Variants in SYNPO observed in about 807,000 individuals in gnomAD.
The protein encoded by SYNPO is synaptopodin.
Under a neutral mutation model 49.5 loss-of-function variants are expected in SYNPO, and 19 were observed. The observed-to-expected ratio is 0.38, with a 90% CI of 0.27 to 0.56. The LOEUF (loss-of-function observed/expected upper bound fraction) is 0.56, where lower values mean the gene tolerates loss of function less well. Among genes scored for constraint, SYNPO ranks in the 20% least tolerant of loss-of-function variants. The pLI, the probability that SYNPO is intolerant of heterozygous loss-of-function variation, is 0.68. For synonymous variants in SYNPO, 536 were observed against 548.0 expected, an observed-to-expected ratio of 0.98 and a Z score of 0.31; for missense variants, 1,131 against 1,248.3, an observed-to-expected ratio of 0.91 and a Z score of 1.42.
rs1561657440 is a variant in SYNPO, at chr5:150,649,764, G to A, written c.1489G>A (p.Glu497Lys). The change falls in exon 2 of 3, where the codon GAG (glutamate) becomes AAG (lysine). Residue 497 changes from glutamate (E) to lysine (K), a missense_variant. By Grantham distance (56) the Glu-to-Lys change is moderately conservative. This residue lies in a region of SYNPO where 602 missense variants were observed against 720.7 expected (regional missense o/e 0.84). Transcript: ENST00000307662. Reference protein sequence around the residue: ...RQSRMEKYVIESSSHTPELAR... With the variant: ...RQSRMEKYVIKSSSHTPELAR... ...GTCACGGATGGAGAAATATGTCATC[G>A]AGTCTTCAAGCCACACGCCAGAGCT... 6.2e-7 allele frequency: 1 copy of A among 1,612,826 alleles called. No individual in the cohort carries two copies. Among genetic ancestry groups the A allele is most frequent in the Non-Finnish European group, 8.5e-7 (1 of 1,180,012 alleles).
chr5:150,597,927 C>T (rs1561627071), upstream of SYNPO, among the ~76,000 whole-genome samples: 2 of 152,110 alleles, frequency 1.3e-5, no homozygotes, highest in Admixed American at 6.5e-5. Flanking sequence ...CATGAGCCAC[C>T]GCACCCAGAC....
intron 1 of SYNPO, among the ~76,000 whole-genome samples, chr5:150,644,388 T>A (rs937842488): frequency 2.0e-5 from 3 of 152,208 alleles, no homozygotes; most frequent in African/African-American, 7.2e-5. Context: ...GTTCTGTGTT[T>A]TGGGGCAGTA....
At chr5:150,606,068 T>G (rs1036591658) in intron 1 of SYNPO, among the ~76,000 whole-genome samples, 1 of 152,158 alleles carries the variant, frequency 6.6e-6, no homozygotes, top group Non-Finnish European at 1.5e-5. Context: ...GACACGTACA[T>G]GTGCACACAT....
At chr5:150,605,101 C>A (rs1474136196) in intron 1 of SYNPO, among the ~76,000 whole-genome samples, 1 of 152,206 alleles carries the variant, frequency 6.6e-6, no homozygotes, top group Non-Finnish European at 1.5e-5. Flanking sequence ...GCTCAATGAA[C>A]ACTCCTCTAG....
intron 2 of SYNPO, among the ~76,000 whole-genome samples, chr5:150,633,274 G>T (rs1757600920): frequency 6.6e-6 from 1 of 152,204 alleles, no homozygotes; most frequent in African/African-American, 2.4e-5. Flanking sequence ...TGGGAATTAA[G>T]AATCTTTTAG....
At chr5:150,651,870 G>T (rs1385529473) in intron 2 of SYNPO, 1 of 1,000,450 alleles carries the variant, frequency 1.0e-6, no homozygotes, top group Non-Finnish European at 1.2e-6. Flanking sequence ...TACAGCCCCC[G>T]ACCAAACCAG....
chr5:150,621,877 A>G (rs913659983), intron 2 of SYNPO, among the ~76,000 whole-genome samples: 3 of 152,194 alleles, frequency 2.0e-5, no homozygotes, highest in African/African-American at 7.2e-5. Context: ...AGGGTAGTGT[A>G]GAGCTCATGA....
At chr5:150,652,755 A>C (rs1758435484) in intron 2 of SYNPO, 1 of 152,102 alleles carries the variant, frequency 6.6e-6, no homozygotes, top group African/African-American at 2.4e-5. Context: ...CCTGCTCCCC[A>C]TTATCTAAAT....
intron 1 of SYNPO, among the ~76,000 whole-genome samples, chr5:150,642,574 G>A (rs938471990): frequency 1.3e-5 from 2 of 149,892 alleles, no homozygotes; most frequent in Non-Finnish European, 3.0e-5. Flanking sequence ...CTGGGATATT[G>A]CCAGAGAGGG....
intron 1 of SYNPO, among the ~76,000 whole-genome samples, chr5:150,605,470 G>A (rs1756665061): frequency 1.3e-5 from 2 of 151,974 alleles, no homozygotes; most frequent in African/African-American, 4.8e-5. Flanking sequence ...GATCAATGTG[G>A]CAACAAGGCA....
Position 150,648,620 on chromosome 5 carries a change from A to G in SYNPO, c.345A>G (p.Gln115=), listed in dbSNP as rs754076512. Reference sequence around the variant, plus strand: ...AGAGCCTGCCACTTTCTAGCATCCAACAGAATTCCTCAGAGGCCCAACTCC... The same window carrying G: ...AGAGCCTGCCACTTTCTAGCATCCAGCAGAATTCCTCAGAGGCCCAACTCC... ...VPQSLPLSSI[Q]QNSSEAQLPS... The change falls in exon 2 of 3, where the codon CAA becomes CAG. Residue 115 remains glutamine, a synonymous_variant. Transcript: ENST00000307662. This position sits in a 1 kb window ranked among gnomAD's most constrained non-coding sequence, Gnocchi z 5.0. The G allele has an allele frequency of 7.4e-6, 12 of 1,614,146 alleles. No individual in the cohort carries two copies. Among genetic ancestry groups the G allele is most frequent in the Non-Finnish European group, 9.3e-6 (11 of 1,180,034 alleles).
chr5:150,646,285 G>A (rs958463634), intron 1 of SYNPO, among the ~76,000 whole-genome samples: 1 of 151,902 alleles, frequency 6.6e-6, no homozygotes, highest in Non-Finnish European at 1.5e-5. Flanking sequence ...GCTGCAGTGA[G>A]CTATGATGGT....
intron 2 of SYNPO, among the ~76,000 whole-genome samples, chr5:150,620,903 T>TTTTC (rs1395403473): frequency 1.0e-5 from 1 of 98,062 alleles, no homozygotes; most frequent in Non-Finnish European, 2.0e-5. Context: ...TTTTTTCTCT[T>TTTTC]TCTTTCTTTC....
upstream of SYNPO, among the ~76,000 whole-genome samples, chr5:150,600,396 T>C (rs528373310): frequency 1.4e-4 from 21 of 152,338 alleles, no homozygotes; most frequent in Non-Finnish European, 2.4e-4. Flanking sequence ...CTCTGGGGTC[T>C]CCCCAGCCCA....
chr5:150,613,883 C>T (rs369081365), intron 1 of SYNPO, among the ~76,000 whole-genome samples: 1 of 152,206 alleles, frequency 6.6e-6, no homozygotes, highest in Non-Finnish European at 1.5e-5. Flanking sequence ...CTCAGCACCC[C>T]TCACTCCCTT....
intron 2 of SYNPO, chr5:150,653,093 CT>C (rs1274680090): frequency 6.6e-6 from 1 of 152,180 alleles, no homozygotes; most frequent in Non-Finnish European, 1.5e-5. Context: ...GTGGATGCTA[CT>C]TTTTGAATTT....
Position 150,650,159 on chromosome 5 carries a change from C to A in SYNPO, c.1884C>A (p.Gly628=), listed in dbSNP as rs1758313186. 2 of 1,613,794 alleles carry A rather than the reference C, an allele frequency of 1.2e-6. No homozygotes were observed. The highest frequency in any genetic ancestry group is 1.3e-5 in the African/African-American group (1 of 74,952). The change falls in exon 2 of 3, where the codon GGC becomes GGA. Residue 628 remains glycine (G), a synonymous_variant. Transcript: ENST00000307662. ...RSSPGLYTSP[G]QDSLQPTAVS... ...CACCGGGCCTCTACACCTCCCCCGGCCAGGACAGCCTGCAGCCCACTGCCG... is the reference window on the plus strand; with the variant it reads ...CACCGGGCCTCTACACCTCCCCCGGACAGGACAGCCTGCAGCCCACTGCCG...
chr5:150,628,498 T>A (rs1757434853), intron 2 of SYNPO, among the ~76,000 whole-genome samples: 1 of 152,196 alleles, frequency 6.6e-6, no homozygotes, highest in Non-Finnish European at 1.5e-5. Flanking sequence ...TCCTCATCTA[T>A]AAAATAGAAA....
In SYNPO at chr5:150,649,916, C is replaced by T; in HGVS notation, c.1641C>T (p.Gly547=). 7.4e-6 allele frequency: 12 copies of T among 1,611,970 alleles called. No individual in the cohort carries two copies. Among genetic ancestry groups the T allele is most frequent in the Non-Finnish European group, 1.0e-5 (12 of 1,180,000 alleles). ...ARTPPASLYH[G]YLPENGVLRP... is the part of the protein sequence containing the mutation. The stretch of plus-strand genomic sequence containing the variant: ...CCCCGCCTGCCTCCCTCTACCATGG[C>T]TACCTGCCTGAGAACGGGGTCCTGC... The change falls in exon 2 of 3, where the codon GGC becomes GGT. Residue 547 remains glycine (G), a synonymous_variant. Coordinates refer to ENST00000307662, the MANE Select transcript of SYNPO (RefSeq NM_007286.6).
Sources: gnomAD v4.1 joint callset for allele counts (sites outside exome capture counted in the v4.1 genomes callset) on GRCh38, gnomAD v4.1.1 for gene constraint, gnomAD v4.1.1 regional missense constraint, Gnocchi (gnomAD v3.1) non-coding constraint, MANE v1.5 for transcripts, NCBI Gene and HGNC (gene_info 2026-07-23, HGNC 2026-07-21) for gene names.